The following PWWP3A variants were observed in gnomAD, a reference collection of about 807,000 sequenced individuals.
PWWP3A encodes the protein PWWP domain containing 3A, DNA repair factor, also known as PWWP domain-containing DNA repair factor 3A.
Under a neutral mutation model 79.0 loss-of-function variants are expected in PWWP3A, and 53 were observed. The observed-to-expected ratio is 0.67, with a 90% CI of 0.54 to 0.84. The LOEUF is 0.84. PWWP3A is among the 40% of genes least tolerant of loss of function. The pLI is 0.00. For missense variants in PWWP3A, 973 were observed against 948.0 expected, an observed-to-expected ratio of 1.03 and a Z score of -0.35; for synonymous variants, 443 against 394.4, an observed-to-expected ratio of 1.12 and a Z score of -1.46.
rs148057930 is a variant in PWWP3A, at chr19:1,371,075, C to T, written c.1983C>T (p.Pro661=). ...RIRFILDVLL[P]EAIICAISAV... ...GGTTCATTCTGGACGTGCTTCTGCC[C>T]GAGGTGAGCCGCGGACCGGCGTGTC... Residue 661 remains proline, a synonymous_variant, in exon 12 of 14, where the codon CCC becomes CCT. Transcript: ENST00000591337. 90 of 1,558,968 alleles carry T rather than the reference C, an allele frequency of 5.8e-5. No individual in the cohort carries two copies. The highest frequency in any genetic ancestry group is 6.9e-5 in the Non-Finnish European group (80 of 1,151,100).
Position 1,369,478 on chromosome 19 carries a change from G to A in PWWP3A, c.1499-118G>A. On this transcript the variant is annotated intron_variant, in intron 10 of 13. Transcript: ENST00000591337. This position sits in a 1 kb window ranked among gnomAD's most constrained non-coding sequence, Gnocchi z 4.0. Reference sequence around the variant, plus strand: ...CTGGGGCATTCCCTGTGGGTGGGCTGGGGTTCTGGCCTGGCCTGATTATTT... The same window carrying A: ...CTGGGGCATTCCCTGTGGGTGGGCTAGGGTTCTGGCCTGGCCTGATTATTT... 1 of 1,493,192 alleles carries A rather than the reference G, an allele frequency of 6.7e-7. No individual in the cohort carries two copies. Among genetic ancestry groups the A allele is most frequent in the Non-Finnish European group, 9.3e-7 (1 of 1,072,912 alleles). The allele number at this position is 1,493,192 out of a possible 1,614,324, so 92.5% of individuals were successfully genotyped here.
chr19:1,358,515 A>G (rs1474043037), intron 4 of PWWP3A, 51 bp downstream of exon 4: 1 of 1,608,314 alleles, frequency 6.2e-7, no homozygotes, highest in Non-Finnish European at 8.5e-7. Flanking sequence ...ATAAGAGGTC[A>G]TTTGGGAGAA....
At position 1,354,984 on chromosome 19, in the gene PWWP3A, AGCG is replaced by A. The variant is rs371221738; in HGVS notation, c.-198_-196del. On this transcript the variant is annotated 5_prime_UTR_variant, in exon 1 of 14. Transcript: ENST00000591337. Reference sequence around the variant, plus strand: ...AAGCCCCGCCCCCGGCCCCGCGGGGAGCGGCGGCGGCGGCGGCGGCGGCGGTGG... The same window carrying A: ...AAGCCCCGCCCCCGGCCCCGCGGGGAGCGGCGGCGGCGGCGGCGGCGGTGG... The A allele has an allele frequency of 0.61, 89,766 of 147,576 alleles. 27,558 individuals are homozygous for A. Among genetic ancestry groups the A allele is most frequent in the Middle Eastern group, 0.72 (209 of 292 alleles). The allele number at this position is 147,576 out of a possible 1,614,324, so 9.1% of individuals were successfully genotyped here.
At position 1,356,998 on chromosome 19, in the gene PWWP3A, T is replaced by A; in HGVS notation, c.58-11T>A. 2.5e-6 allele frequency: 4 copies of A among 1,607,908 alleles called. No homozygotes were observed. Among genetic ancestry groups the A allele is most frequent in the Non-Finnish European group, 3.4e-6 (4 of 1,177,668 alleles). On this transcript the variant is annotated splice_polypyrimidine_tract_variant and intron_variant, in intron 2 of 13. Coordinates refer to ENST00000591337, the MANE Select transcript of PWWP3A (RefSeq NM_001369789.1). ...TGTAATAACAAGGATTTTCTTTTGT[T>A]TTAAATGTAGGTTTTGGCCCGAACC... is the stretch of plus-strand genomic sequence containing the variant.
chr19:1,360,811 G>A lies in PWWP3A; in HGVS notation c.890G>A (p.Cys297Tyr), dbSNP rs1173071295. The change falls in exon 5 of 14, where the codon TGC becomes TAC. Residue 297 changes from cysteine (C) to tyrosine (Y), a missense_variant. By Grantham distance (194) the Cys-to-Tyr change is radical. Coordinates refer to ENST00000591337, the MANE Select transcript of PWWP3A (RefSeq NM_001369789.1). The surrounding 1 kb of genome is among the most constrained non-coding windows in gnomAD (Gnocchi z 4.4). Reference protein sequence around the residue: ...EPSACSEPGECPAKKRPRLDG... With the variant: ...EPSACSEPGEYPAKKRPRLDG... ...TCGGCCTGCTCAGAGCCTGGAGAAT[G>A]CCCTGCGAAAAAGAGGCCGCGCCTG... 21 of 1,586,056 alleles carry A rather than the reference G, an allele frequency of 1.3e-5. No homozygotes were observed. The highest frequency in any genetic ancestry group is 1.7e-5 in the Non-Finnish European group (20 of 1,167,316).
intron 2 of PWWP3A, among the ~76,000 whole-genome samples, chr19:1,356,655 C>CT (rs969351351): frequency 1.8e-5 from 2 of 109,256 alleles, no homozygotes; most frequent in Non-Finnish European, 4.1e-5. Context: ...TTTTTTCACA[C>CT]TAAAAAAAAA....
chr19:1,358,585 A>G (rs2081938340), intron 4 of PWWP3A, 121 bp downstream of exon 4: 4 of 1,593,314 alleles, frequency 2.5e-6, no homozygotes, highest in Non-Finnish European at 3.4e-6. Context: ...TTCTTCATAC[A>G]AGGGAACGCG....
intron 6 of PWWP3A, chr19:1,364,270 G>A (rs1238915300): frequency 1.8e-5 from 12 of 661,830 alleles, no homozygotes; most frequent in South Asian, 1.5e-4. Context: ...TGGGAACCCA[G>A]TGCAGCACCC....
chr19:1,375,057 TTAAAAAA>T (rs886116135), intron 13 of PWWP3A, among the ~76,000 whole-genome samples: 1 of 148,866 alleles, frequency 6.7e-6, no homozygotes, highest in African/African-American at 2.5e-5. Flanking sequence ...CATCTCTACT[TTAAAAAA>T]AAAAAAAAAC....
At chr19:1,358,510 A>G in intron 4 of PWWP3A, 46 bp downstream of exon 4, 1 of 1,609,274 alleles carries the variant, frequency 6.2e-7, no homozygotes, top group Non-Finnish European at 8.5e-7. Context: ...ATAAAATAAG[A>G]GGTCATTTGG....
chr19:1,371,570 G>A (rs371008116), intron 12 of PWWP3A: 168 of 607,056 alleles, frequency 2.8e-4, no homozygotes, highest in African/African-American at 2.4e-3. Flanking sequence ...CTTCAGCTGC[G>A]GATTTGGGGC....
intron 4 of PWWP3A, chr19:1,359,233 A>G (rs974330736): frequency 6.5e-6 from 1 of 153,686 alleles, no homozygotes; most frequent in African/African-American, 2.4e-5. Flanking sequence ...TCCCATTTGC[A>G]AATAATTGTT....
Position 1,362,335 on chromosome 19 carries a change from A to G in PWWP3A, c.1197A>G (p.Arg399=). 1 of 1,613,952 alleles carries G rather than the reference A, an allele frequency of 6.2e-7. No individual in the cohort carries two copies. The highest frequency in any genetic ancestry group is 1.1e-5 in the South Asian group (1 of 91,066). The change falls in exon 6 of 14, where the codon AGA becomes AGG. Residue 399 remains arginine (R), a synonymous_variant. Transcript: ENST00000591337. ...ACGAGGAAGACGAGGAGCCACCAAGAGTCCTTTTATACCACGGTAAGAAAT... is the reference window on the plus strand; with the variant it reads ...ACGAGGAAGACGAGGAGCCACCAAGGGTCCTTTTATACCACGGTAAGAAAT... ...EEDEEDEEPP[R]VLLYHEPRSF...
Position 1,360,235 on chromosome 19 carries a change from G to A in PWWP3A, c.314G>A (p.Ser105Asn). ...GTTCTGAGCGAGGGCTCGATTTGGA[G>A]TCAAGAAAGCTCTGCAGGGACAGGT... ...LDVLSEGSIW[S>N]QESSAGTGRA... Residue 105 changes from serine to asparagine, a missense_variant, in exon 5 of 14, where the codon AGT (serine) becomes AAT (asparagine). Physicochemically the swap from Ser to Asn is conservative, Grantham distance 46. Transcript: ENST00000591337. The surrounding 1 kb of genome is among the most constrained non-coding windows in gnomAD (Gnocchi z 4.4). 2 of 1,614,056 alleles carry A rather than the reference G, an allele frequency of 1.2e-6. No individual in the cohort carries two copies. The highest frequency in any genetic ancestry group is 1.7e-6 in the Non-Finnish European group (2 of 1,179,962).
chr19:1,358,185 A>C (rs951561429), intron 3 of PWWP3A: 3 of 508,278 alleles, frequency 5.9e-6, no homozygotes, highest in Non-Finnish European at 1.0e-5. Flanking sequence ...TTCTGTCTTA[A>C]AAGGAAAAAA....
At position 1,360,982 on chromosome 19, in the gene PWWP3A, C is replaced by G; in HGVS notation, c.1061C>G (p.Ala354Gly). 6.9e-7 allele frequency: 1 copy of G among 1,452,772 alleles called. No homozygotes were observed. The highest frequency in any genetic ancestry group is 9.1e-7 in the Non-Finnish European group (1 of 1,102,014). The allele number at this position is 1,452,772 out of a possible 1,614,324, so 90.0% of individuals were successfully genotyped here. ...GGCCCGCCTCCCTCCCACGCCTCTG[C>G]GGATGCAACCAGATGTCTTCCTTGC... ...RLGPPPSHAS[A>G]DATRCLPCPD... Residue 354 changes from alanine to glycine, a missense_variant, in exon 5 of 14, where the codon GCG (alanine) becomes GGG (glycine). Coordinates refer to ENST00000591337, the MANE Select transcript of PWWP3A (RefSeq NM_001369789.1). The surrounding 1 kb of genome is among the most constrained non-coding windows in gnomAD (Gnocchi z 4.4).
In PWWP3A at chr19:1,371,095, C is replaced by T. The variant is rs371798226; in HGVS notation, c.1986+17C>T. The T allele has an allele frequency of 2.6e-4, 409 of 1,549,820 alleles. 1 individual carries two copies. The highest frequency in any genetic ancestry group is 3.5e-4 in the Non-Finnish European group (400 of 1,146,130). ...CTGCCCGAGGTGAGCCGCGGACCGG[C>T]GTGTCACGTGGGCAGGGAGGGGCCT... On this transcript the variant is annotated intron_variant, in intron 12 of 13. Transcript: ENST00000591337.
chr19:1,364,371 T>C (rs182002221), intron 6 of PWWP3A, 138 bp from the exon 7 acceptor site: 1 of 691,260 alleles, frequency 1.4e-6, no homozygotes, highest in East Asian at 2.6e-5. Flanking sequence ...TCTCCTGATC[T>C]TTTAAGCGAA....
At chr19:1,361,225 A>G (rs2082008358) in intron 5 of PWWP3A, among the ~76,000 whole-genome samples, 193 bp downstream of exon 5, 1 of 152,126 alleles carries the variant, frequency 6.6e-6, no homozygotes, top group Non-Finnish European at 1.5e-5. Flanking sequence ...TCAACTTCTA[A>G]ATATTTGTCT....
Sources: gnomAD v4.1 joint callset for allele counts (sites outside exome capture counted in the v4.1 genomes callset) on GRCh38, gnomAD v4.1.1 for gene constraint, Gnocchi (gnomAD v3.1) non-coding constraint, MANE v1.5 for transcripts, NCBI Gene and HGNC (gene_info 2026-07-23, HGNC 2026-07-21) for gene names.